The following FAM120B variants were observed in gnomAD, a reference collection of about 807,000 sequenced individuals.
FAM120B encodes constitutive coactivator of peroxisome proliferator-activated receptor gamma.
A neutral mutation model predicts 96.3 loss-of-function variants in FAM120B; 83 were observed. The observed-to-expected ratio is 0.86, with a 90% CI of 0.72 to 1.03. FAM120B has a LOEUF of 1.03. Ranked by LOEUF, FAM120B falls within the 50% of genes least tolerant of loss-of-function variation. The probability of loss-of-function intolerance (pLI) is 0.00; values close to 1 mark genes in which losing one functional copy is unlikely to be tolerated. For missense variants in FAM120B, 1,027 were observed against 1,121.2 expected (o/e 0.92, Z 1.20); for synonymous variants, 407 against 402.7 (o/e 1.01, Z -0.13).
At chr6:170,364,693 C>A (rs1433867435) in intron 6 of FAM120B, among the ~76,000 whole-genome samples, 1 of 152,202 alleles carries the variant, frequency 6.6e-6, no homozygotes, top group Admixed American at 6.5e-5. Context: ...ATTCTAGTCT[C>A]AAGAGCTGAT....
intron 7 of FAM120B, among the ~76,000 whole-genome samples, chr6:170,389,521 C>A (rs1423987474): frequency 2.0e-5 from 3 of 152,016 alleles, no homozygotes; most frequent in Non-Finnish European, 4.4e-5. Flanking sequence ...CTCCTCTCCC[C>A]ATTTCTCACA....
chr6:170,367,575 T>G (rs1327903415), intron 6 of FAM120B, among the ~76,000 whole-genome samples: 2 of 152,200 alleles, frequency 1.3e-5, no homozygotes, highest in South Asian at 4.1e-4. Flanking sequence ...AGCCAGCAGG[T>G]AAGTCCGCGG....
rs150158731 is a variant in FAM120B at position 170,365,062 on chromosome 6, G to A, written c.2283+6744G>A. ...GATGGGGCAGAGTGCAGAAAAGGGC[G>A]TGGTGTGCCTGGGGCACGTACTCCT... On this transcript the variant is annotated intron_variant, in intron 6 of 10. Coordinates refer to ENST00000476287, the MANE Select transcript of FAM120B (RefSeq NM_032448.3). Among the ~76,000 whole-genome samples, 374 of 152,352 alleles carry A rather than the reference G, an allele frequency of 2.5e-3. 1 individual carries two copies. Among genetic ancestry groups the A allele is most frequent in the African/African-American group, 8.6e-3 (356 of 41,588 alleles).
At chr6:170,372,087 G>T (rs765807280) in intron 6 of FAM120B, among the ~76,000 whole-genome samples, 1 of 152,010 alleles carries the variant, frequency 6.6e-6, no homozygotes, top group East Asian at 1.9e-4. Context: ...TAAAATTTTC[G>T]TTAGGAATAA....
chr6:170,325,695 G>T (rs1785546641), intron 3 of FAM120B, among the ~76,000 whole-genome samples: 1 of 151,978 alleles, frequency 6.6e-6, no homozygotes, highest in East Asian at 1.9e-4. Context: ...ACAGATATTA[G>T]CTGGGCATGA....
chr6:170,299,780 G>C (rs935413653), intron 1 of FAM120B, among the ~76,000 whole-genome samples: 1 of 152,214 alleles, frequency 6.6e-6, no homozygotes. Context: ...CAGGAAAGAA[G>C]GTGGTTTGAG....
At chr6:170,366,459 C>T (rs1391232268) in intron 6 of FAM120B, among the ~76,000 whole-genome samples, 1 of 152,168 alleles carries the variant, frequency 6.6e-6, no homozygotes, top group Admixed American at 6.5e-5. Context: ...TTTGGCTGGA[C>T]CTGTGCTCTG....
intron 3 of FAM120B, among the ~76,000 whole-genome samples, chr6:170,324,825 A>G (rs184899459): frequency 1.3e-5 from 2 of 152,324 alleles, no homozygotes; most frequent in African/African-American, 4.8e-5. Flanking sequence ...TGATTTATAT[A>G]TGATGATAAT....
At position 170,395,505 on chromosome 6, in the gene FAM120B, G is replaced by A. The variant is rs1394364591; in HGVS notation, c.2618G>A (p.Gly873Asp). 2.5e-6 allele frequency: 4 copies of A among 1,596,708 alleles called. No individual in the cohort carries two copies. The South Asian group carries it at 3.4e-5, about 14-fold the overall frequency. Residue 873 changes from glycine to aspartate, a missense_variant, in exon 9 of 11, where the codon GGC becomes GAC. Physicochemically the swap from Gly to Asp is moderately conservative, Grantham distance 94. Around this residue, in one of 3 missense-constraint regions of FAM120B, gnomAD observed 142 missense variants for 122.5 expected, o/e 1.16. Coordinates refer to ENST00000476287, the MANE Select transcript of FAM120B (RefSeq NM_032448.3). ...CCCACAGGGAGGTGGGGAAGACAGG[G>A]CTCCAGCTACCACAGGACGGGCTCT... ...SHHAGRWGRQGSSYHRTGSGY... is the reference protein window; with the variant it reads ...SHHAGRWGRQDSSYHRTGSGY...
intron 4 of FAM120B, chr6:170,330,801 G>T (rs1298728946): frequency 2.0e-6 from 1 of 497,924 alleles, no homozygotes; most frequent in South Asian, 2.4e-5. Context: ...CCCTGGTCCA[G>T]GTCCACAGCA....
chr6:170,387,166 A>C (rs1790232254), intron 6 of FAM120B, among the ~76,000 whole-genome samples: 1 of 152,198 alleles, frequency 6.6e-6, no homozygotes, highest in Non-Finnish European at 1.5e-5. Flanking sequence ...GTAGAATAAA[A>C]AGTGTCGCAC....
upstream of FAM120B, chr6:170,290,772 G>C (rs1783844936): frequency 1.9e-6 from 1 of 513,762 alleles, no homozygotes; most frequent in Non-Finnish European, 3.5e-6. The surrounding 1 kb of genome is among the most constrained non-coding windows in gnomAD (Gnocchi z 4.7). Context: ...GCAAAGATCC[G>C]CGTCTTTCCG....
Position 170,348,132 on chromosome 6 carries a change from G to C in FAM120B, c.2018-19G>C. 1 of 1,606,668 alleles carries C rather than the reference G, an allele frequency of 6.2e-7. No individual in the cohort carries two copies. Among genetic ancestry groups the C allele is most frequent in the Non-Finnish European group, 8.5e-7 (1 of 1,175,638 alleles). ...GTGCTGCAAAGAACAATAGTTAATG[G>C]ACTTTTTTTCTTAACTAGGGGGAAC... On this transcript the variant is annotated intron_variant, in intron 4 of 10. Coordinates refer to ENST00000476287, the MANE Select transcript of FAM120B (RefSeq NM_032448.3).
At chr6:170,338,281 G>A (rs1443550233) in intron 4 of FAM120B, among the ~76,000 whole-genome samples, 1 of 151,726 alleles carries the variant, frequency 6.6e-6, no homozygotes, top group Non-Finnish European at 1.5e-5. Flanking sequence ...CCTTAATTTT[G>A]TTATTTACCC....
upstream of FAM120B, among the ~76,000 whole-genome samples, chr6:170,305,174 G>A (rs1784239465): frequency 6.6e-6 from 1 of 152,014 alleles, no homozygotes. Flanking sequence ...CTTGGGGGGG[G>A]CGGGGGACAG....
chr6:170,330,392 T>C (rs1275899982), intron 3 of FAM120B, 57 bp from the exon 4 acceptor site: 34 of 1,398,032 alleles, frequency 2.4e-5, no homozygotes, highest in Non-Finnish European at 3.1e-5. Context: ...TCTGTGACAC[T>C]GTGAGCCTGG....
chr6:170,404,438 C>G (rs1210975147), intron 9 of FAM120B, 112 bp from the exon 10 acceptor site: 1 of 870,638 alleles, frequency 1.1e-6, no homozygotes, highest in Non-Finnish European at 1.8e-6. Context: ...AAAGCTGTGT[C>G]CTCCAAATAC....
intron 3 of FAM120B, among the ~76,000 whole-genome samples, chr6:170,328,464 G>A (rs961403779): frequency 2.0e-5 from 3 of 152,108 alleles, no homozygotes; most frequent in South Asian, 4.1e-4. Flanking sequence ...ATTTTAGGTC[G>A]TTCTGTATTT....
chr6:170,375,620 C>T (rs1789462754), intron 6 of FAM120B, among the ~76,000 whole-genome samples: 1 of 152,156 alleles, frequency 6.6e-6, no homozygotes, highest in African/African-American at 2.4e-5. Flanking sequence ...TCAGCAAACT[C>T]ATTTATTCAG....
Sources: allele counts gnomAD v4.1 joint callset (sites outside exome capture counted in the v4.1 genomes callset), GRCh38; gene constraint gnomAD v4.1.1; regional missense constraint gnomAD v4.1.1; non-coding constraint Gnocchi (gnomAD v3.1); transcripts MANE v1.5; gene names NCBI Gene and HGNC (gene_info 2026-07-23, HGNC 2026-07-21).